Variants in PARP10 observed in about 807,000 individuals in gnomAD.
PARP10 encodes the protein protein mono-ADP-ribosyltransferase PARP10.
PARP10 carries 56 observed loss-of-function variants against 82.4 expected under a neutral mutation model. That is an observed-to-expected ratio of 0.68 (90% CI 0.55 to 0.85). The LOEUF (loss-of-function observed/expected upper bound fraction) is 0.85, where lower values mean the gene tolerates loss of function less well. Ranked by LOEUF, PARP10 falls within the 40% of genes least tolerant of loss-of-function variation. The pLI is 0.00. For synonymous variants in PARP10, 576 were observed against 601.1 expected, an observed-to-expected ratio of 0.96 and a Z score of 0.61; for missense variants, 1,227 against 1,379.4, an observed-to-expected ratio of 0.89 and a Z score of 1.75.
At chr8:144,007,770 G>A (rs1014409875) in intron 1 of PARP10, among the ~76,000 whole-genome samples, 54 of 152,154 alleles carry the variant, frequency 3.5e-4, no homozygotes, top group African/African-American at 1.1e-3. Context: ...CTAGACTGCC[G>A]GCACCAAGCC....
rs1554746654 is a variant in PARP10, at chr8:143,977,808, C to G, written c.2754G>C (p.Val918=). The G allele has an allele frequency of 1.2e-6, 2 of 1,600,862 alleles. No homozygotes were observed. Among genetic ancestry groups the G allele is most frequent in the African/African-American group, 2.7e-5 (2 of 74,550 alleles). The change falls in exon 11 of 11, where the codon GTG becomes GTC. Residue 918 remains valine, a synonymous_variant. Transcript: ENST00000313028. The stretch of plus-strand genomic sequence containing the variant: ...ACAGGGAGGCGCGCCTGGCGAAATA[C>G]ACGCCCTTCCCGTAGACCGTGGCTG... ...GRNATVYGKG[V]YFARRASLSV...
upstream of PARP10, chr8:143,991,393 A>G: frequency 8.9e-7 from 1 of 1,128,280 alleles, no homozygotes; most frequent in Non-Finnish European, 1.2e-6. Context: ...CAGCCAGGGT[A>G]CCCCCATGGC....
intron 9 of PARP10, among the ~76,000 whole-genome samples, chr8:143,982,442 C>G (rs1240068673): frequency 6.6e-6 from 1 of 152,110 alleles, no homozygotes; most frequent in Non-Finnish European, 1.5e-5. Context: ...CCACTGCACT[C>G]CAGCCCAGGA....
intron 1 of PARP10, chr8:144,012,344 G>A: frequency 3.2e-6 from 2 of 618,302 alleles, no homozygotes; most frequent in South Asian, 3.9e-5. Context: ...GGGTGTTAGA[G>A]CAGAGAGGGC....
upstream of PARP10, chr8:143,991,702 T>C: frequency 6.2e-7 from 1 of 1,612,724 alleles, no homozygotes. Flanking sequence ...CACCCCAGCA[T>C]GGAAACTACC....
upstream of PARP10, chr8:143,991,178 G>C (rs184414393): frequency 1.2e-5 from 17 of 1,455,826 alleles, no homozygotes; most frequent in South Asian, 1.3e-4. Flanking sequence ...CTGTTCCACT[G>C]TTCCTTGTCT....
At chr8:144,010,817 C>T (rs1554752424) in intron 1 of PARP10, among the ~76,000 whole-genome samples, 1 of 151,730 alleles carries the variant, frequency 6.6e-6, no homozygotes, top group South Asian at 2.1e-4. Context: ...CATGGGAGGT[C>T]GAGGCAGCAG....
At chr8:144,006,252 G>A (rs1012735199) in intron 1 of PARP10, among the ~76,000 whole-genome samples, 1 of 152,256 alleles carries the variant, frequency 6.6e-6, no homozygotes, top group African/African-American at 2.4e-5. Flanking sequence ...GAGAAAGTGT[G>A]TTAAGCTTTA....
At position 144,008,296 on chromosome 8, in the gene PARP10, G is replaced by A. The variant is rs1010497209; in HGVS notation, c.-80+4234C>T. 1.5e-4 allele frequency among the ~76,000 whole-genome samples: 23 copies of A among 152,146 alleles called. No homozygotes were observed. The highest frequency in any genetic ancestry group is 5.1e-4 in the African/African-American group (21 of 41,436). On this transcript the variant is annotated intron_variant, in intron 1 of 3. Transcript: ENST00000530478. The surrounding 1 kb of genome is among the most constrained non-coding windows in gnomAD (Gnocchi z 4.0). ...TCCCGGCTGCAGGCCCCCATTCTTC[G>A]GCAACTTTATGCCTTGAAAAGACGG... is the stretch of plus-strand genomic sequence containing the variant.
chr8:144,001,477 C>G (rs1303746355), intron 1 of PARP10, among the ~76,000 whole-genome samples: 1 of 152,114 alleles, frequency 6.6e-6, no homozygotes, highest in African/African-American at 2.4e-5. Context: ...GAGGCCGAGG[C>G]AGGCGGACCA....
chr8:144,000,898 TTGTG>T (rs200821699), intron 1 of PARP10, among the ~76,000 whole-genome samples: 231 of 122,306 alleles, frequency 1.9e-3, no homozygotes, highest in Non-Finnish European at 3.0e-3. Flanking sequence ...AATAAATTCT[TTGTG>T]TGTGTGTTTT....
upstream of PARP10, chr8:143,991,796 A>C: frequency 1.9e-6 from 3 of 1,612,764 alleles, no homozygotes; most frequent in Non-Finnish European, 2.5e-6. Context: ...ACAGGCCTTC[A>C]TCCGCAAGGT....
chr8:143,983,741 C>T lies in PARP10; in HGVS notation c.1848G>A (p.Glu616=). ...DLDGEDWLPR[E]LEEEGPQEQP... is the part of the protein sequence containing the mutation. Reference sequence around the variant, plus strand: ...GCTCCTGAGGCCCTTCCTCCTCCAGCTCCCGAGGCAGCCAGTCCTCCCCGT... The same window carrying T: ...GCTCCTGAGGCCCTTCCTCCTCCAGTTCCCGAGGCAGCCAGTCCTCCCCGT... Residue 616 remains glutamate, a synonymous_variant, in exon 8 of 11, where the codon GAG becomes GAA. Transcript: ENST00000313028. The T allele has an allele frequency of 1.9e-6, 3 of 1,612,278 alleles. No individual in the cohort carries two copies. The highest frequency in any genetic ancestry group is 2.5e-6 in the Non-Finnish European group (3 of 1,179,284).
Position 143,984,885 on chromosome 8 carries a change from G to A in PARP10, c.1117C>T (p.Gln373Ter). 3 of 1,613,906 alleles carry A rather than the reference G, an allele frequency of 1.9e-6. No individual in the cohort carries two copies. Among genetic ancestry groups the A allele is most frequent in the South Asian group, 1.1e-5 (1 of 91,082 alleles). ...GGCCCCAGGCTCATGGGCCCCTCCT[G>A]TTCCTGCAACCCCACAGGCCTCAGG... ...VSLRPVGLQE[Q>*]EGPMSLGPVG... The change falls in exon 5 of 11, where the codon CAG becomes TAG. Residue 373 changes from glutamine to a stop codon, truncating the protein, a stop_gained. Coordinates refer to ENST00000313028, the MANE Select transcript of PARP10 (RefSeq NM_032789.5). LOFTEE classifies it high-confidence loss of function.
upstream of PARP10, chr8:143,991,256 G>T: frequency 6.4e-7 from 1 of 1,570,172 alleles, no homozygotes; most frequent in South Asian, 1.1e-5. Context: ...TGGTGTCTGG[G>T]GACAACTATC....
chr8:144,012,470 G>A (rs1333415991), intron 1 of PARP10: 10 of 1,529,460 alleles, frequency 6.5e-6, no homozygotes, highest in Non-Finnish European at 8.0e-6. Flanking sequence ...CAGCCTCCAG[G>A]TGCAGTGCCC....
intron 9 of PARP10, among the ~76,000 whole-genome samples, chr8:143,980,398 GC>G (rs1833824711): frequency 6.8e-6 from 1 of 147,156 alleles, no homozygotes; most frequent in African/African-American, 2.5e-5. Flanking sequence ...GGTGGTGTGT[GC>G]CTGTAATCCC....
chr8:143,977,488 G>C lies in PARP10; in HGVS notation c.3074C>G (p.Thr1025Ser). ...PSGLPGRSPDT is the reference protein window; with the variant it reads ...PSGLPGRSPDS ...GCCAGAGGGTGGCCCCTTCGGTTAA[G>C]TGTCTGGGGAGCGGCCCGGGAGCCC... The change falls in exon 11 of 11, where the codon ACT (threonine) becomes AGT (serine). Residue 1025 changes from threonine to serine, a missense_variant. Physicochemically the swap from Thr to Ser is moderately conservative, Grantham distance 58. Coordinates refer to ENST00000313028, the MANE Select transcript of PARP10 (RefSeq NM_032789.5). The C allele has an allele frequency of 6.5e-7, 1 of 1,546,792 alleles. No individual in the cohort carries two copies. The highest frequency in any genetic ancestry group is 8.7e-7 in the Non-Finnish European group (1 of 1,144,836).
upstream of PARP10, chr8:143,992,322 C>A (rs376390347): frequency 2.5e-5 from 39 of 1,587,700 alleles, no homozygotes; most frequent in South Asian, 4.1e-4. Context: ...TCATCATGGC[C>A]GTGGGCATCA....
Sources: gnomAD v4.1 joint callset for allele counts (sites outside exome capture counted in the v4.1 genomes callset) on GRCh38, gnomAD v4.1.1 for gene constraint, Gnocchi (gnomAD v3.1) non-coding constraint, MANE v1.5 for transcripts, NCBI Gene and HGNC (gene_info 2026-07-23, HGNC 2026-07-21) for gene names.